The following JPH2 variants were observed in gnomAD, a reference collection of about 807,000 sequenced individuals.
The protein encoded by JPH2 is junctophilin 2.
Under a neutral mutation model 55.9 loss-of-function variants are expected in JPH2, and 38 were observed. The observed-to-expected ratio is 0.68, with a 90% confidence interval of 0.52 to 0.89. The LOEUF (loss-of-function observed/expected upper bound fraction) is 0.89. Among genes scored for constraint, JPH2 ranks in the 40% least tolerant of loss-of-function variants. The pLI, the probability that JPH2 is intolerant of heterozygous loss-of-function variation, is 0.00. For missense variants in JPH2, 964 were observed against 1,037.6 expected (o/e 0.93, Z 0.97); for synonymous variants, 480 against 472.4 (o/e 1.02, Z -0.21).
chr20:44,115,677 C>A lies in JPH2; in HGVS notation c.1998G>T (p.Val666=). Residue 666 remains valine (V), a synonymous_variant, in exon 4 of 6, where the codon GTG becomes GTT. Transcript: ENST00000372980. The part of the protein sequence containing the change: ...KEAALAAEAE[V]EVEEVPNTIL... ...CCGACAGCCTCACCTCTTCCACCTC[C>A]ACCTCCGCCTCTGCCGCCAGTGCGG... 5 of 1,612,780 alleles carry A rather than the reference C, an allele frequency of 3.1e-6. No homozygotes were observed. Among genetic ancestry groups the A allele is most frequent in the Non-Finnish European group, 4.2e-6 (5 of 1,180,010 alleles).
In JPH2 at chr20:44,116,321, G is replaced by C. The variant is rs1440920206; in HGVS notation, c.1354C>G (p.Pro452Ala). The change falls in exon 4 of 6, where the codon CCC becomes GCC. Residue 452 changes from proline to alanine, a missense_variant. Transcript: ENST00000372980. ...ILENSESLLE[P>A]PDRGAGAAGL... The stretch of plus-strand genomic sequence containing the variant: ...GCTGCGCCGGCGCCCCGGTCGGGGG[G>C]CTCCAGCAGGCTCTCCGAGTTCTCC... 3.2e-6 allele frequency: 5 copies of C among 1,544,322 alleles called. No homozygotes were observed. Among genetic ancestry groups the C allele is most frequent in the Non-Finnish European group, 4.4e-6 (5 of 1,146,142 alleles).
intron 1 of JPH2, among the ~76,000 whole-genome samples, chr20:44,173,580 C>T (rs1021353190): frequency 1.6e-4 from 24 of 152,196 alleles, no homozygotes; most frequent in Non-Finnish European, 2.1e-4. Flanking sequence ...TCTTCCTCTA[C>T]GATAATACCA....
chr20:44,115,461 G>A (rs2072181043), intron 4 of JPH2, among the ~76,000 whole-genome samples: 1 of 152,132 alleles, frequency 6.6e-6, no homozygotes, highest in Non-Finnish European at 1.5e-5. Context: ...ACTCCATGCG[G>A]CCATTTACGC....
chr20:44,177,182 G>T (rs958917494), intron 1 of JPH2: 2 of 985,532 alleles, frequency 2.0e-6, no homozygotes, highest in South Asian at 9.4e-5. Flanking sequence ...GCTTCAGCTC[G>T]GGAAGGGATA....
intron 2 of JPH2, among the ~76,000 whole-genome samples, chr20:44,155,613 C>T (rs886268626): frequency 1.3e-5 from 2 of 152,116 alleles, no homozygotes; most frequent in Admixed American, 6.5e-5. Flanking sequence ...GAAATAGTAA[C>T]TGTACATCAG....
chr20:44,175,342 T>C (rs1024593651), intron 1 of JPH2, among the ~76,000 whole-genome samples: 1 of 152,254 alleles, frequency 6.6e-6, no homozygotes, highest in African/African-American at 2.4e-5. Flanking sequence ...CACCTCTGTC[T>C]TTTTAAAGTC....
In JPH2 at chr20:44,107,321, C is replaced by A. The variant is rs4378864; in HGVS notation, c.*6197G>T. 2.6e-5 allele frequency among the ~76,000 whole-genome samples: 4 copies of A among 151,720 alleles called. No individual in the cohort carries two copies. The highest frequency in any genetic ancestry group is 9.7e-5 in the African/African-American group (4 of 41,258). On this transcript the variant is annotated 3_prime_UTR_variant, in exon 6 of 6. Transcript: ENST00000372980. ...AAGTGGGACAATGGGGATGGTACTA[C>A]AGGCTGTACTGTCTTGTCTGTTTAC...
In JPH2 at chr20:44,115,115, T is replaced by C. The variant is rs1569180196; in HGVS notation, c.2011-239A>G. 2.0e-5 allele frequency among the ~76,000 whole-genome samples: 3 copies of C among 152,090 alleles called. No individual in the cohort carries two copies. In the South Asian group the frequency reaches 6.2e-4, roughly 32 times the overall value. ...AGGGACAAGATCATGCCCCAAGTCA[T>C]ATAGTGTGTGAATCAGGCCTGGAAC... On this transcript the variant is annotated intron_variant, in intron 4 of 5. Coordinates refer to ENST00000372980, the MANE Select transcript of JPH2 (RefSeq NM_020433.5).
Position 44,160,415 on chromosome 20 carries a change from C to A in JPH2, c.380-8G>T, listed in dbSNP as rs1600858260. The A allele has an allele frequency of 7.5e-6, 12 of 1,608,160 alleles. No homozygotes were observed. The East Asian group carries it at 2.7e-4, about 36-fold the overall frequency. ...ACTGGCCTTGGTACGTCCCTGCGGG[C>A]GAGGAGAGGGCGCGTCAGTAGGCGG... On this transcript the variant is annotated splice_region_variant and splice_polypyrimidine_tract_variant and intron_variant, in intron 1 of 5. Transcript: ENST00000372980. The surrounding 1 kb of genome is among the most constrained non-coding windows in gnomAD (Gnocchi z 4.9).
chr20:44,132,353 C>CGG (rs2072325678), intron 2 of JPH2, among the ~76,000 whole-genome samples: 1 of 90,746 alleles, frequency 1.1e-5, no homozygotes, highest in Non-Finnish European at 2.4e-5. Context: ...GGCAGACAGA[C>CGG]AGACACACAC....
chr20:44,141,088 G>T (rs1422536963), intron 2 of JPH2, among the ~76,000 whole-genome samples: 1 of 152,184 alleles, frequency 6.6e-6, no homozygotes, highest in Non-Finnish European at 1.5e-5. Flanking sequence ...GAAGACTCGG[G>T]ATATTAAGGT....
chr20:44,186,420 T>C lies in JPH2; in HGVS notation c.286A>G (p.Ile96Val), dbSNP rs1427831124. 1.9e-6 allele frequency: 3 copies of C among 1,613,808 alleles called. No homozygotes were observed. Among genetic ancestry groups the C allele is most frequent in the Admixed American group, 3.3e-5 (2 of 60,004 alleles). The change falls in exon 1 of 6, where the codon ATC becomes GTC. Residue 96 changes from isoleucine to valine, a missense_variant. Transcript: ENST00000372980. ...GCACCGCTGCTTGAGCTCTGCCGGA[T>C]TCCGTAGCGTCCCTTGAAGCCATGT... ...WTHGFKGRYG[I>V]RQSSSSGAKY...
Position 44,160,332 on chromosome 20 carries a change from G to T in JPH2, c.455C>A (p.Ala152Asp). The T allele has an allele frequency of 2.5e-6, 4 of 1,575,798 alleles. No homozygotes were observed. The highest frequency in any genetic ancestry group is 3.4e-6 in the Non-Finnish European group (4 of 1,161,428). Residue 152 changes from alanine to aspartate, a missense_variant, in exon 2 of 6, where the codon GCC (alanine) becomes GAC (aspartate). By Grantham distance (126) the Ala-to-Asp change is moderately radical. Transcript: ENST00000372980. This position sits in a 1 kb window ranked among gnomAD's most constrained non-coding sequence, Gnocchi z 4.9. ...GVRQSVPYGM[A>D]VVVRSPLRTS... The stretch of plus-strand genomic sequence containing the variant: ...GCGCAGCGGCGAGCGCACCACCACG[G>T]CCATCCCGTAGGGCACGCTCTGGCG...
intron 2 of JPH2, among the ~76,000 whole-genome samples, chr20:44,151,030 AAAAAC>A (rs2072526817): frequency 6.6e-6 from 1 of 152,178 alleles, no homozygotes; most frequent in African/African-American, 2.4e-5. Context: ...ACCCTATCTC[AAAAAC>A]AAAACAAAAC....
chr20:44,162,779 TATATATATAC>T (rs1366243988), intron 1 of JPH2, among the ~76,000 whole-genome samples: 29 of 79,756 alleles, frequency 3.6e-4, no homozygotes, highest in African/African-American at 6.4e-4. Flanking sequence ...TATATATATA[TATATATATAC>T]ACACACACAC....
intron 1 of JPH2, among the ~76,000 whole-genome samples, chr20:44,165,144 C>A (rs143878546): frequency 1.3e-5 from 2 of 152,174 alleles, no homozygotes; most frequent in African/African-American, 4.8e-5. Flanking sequence ...GCCAAATGTT[C>A]TGCATTTGAA....
At chr20:44,165,346 G>A (rs533914671) in intron 1 of JPH2, among the ~76,000 whole-genome samples, 1 of 151,794 alleles carries the variant, frequency 6.6e-6, no homozygotes, top group South Asian at 2.1e-4. Flanking sequence ...TATCTATCAG[G>A]AAAGTCATCA....
intron 2 of JPH2, among the ~76,000 whole-genome samples, chr20:44,157,422 T>G (rs1344790038): frequency 1.3e-5 from 2 of 152,200 alleles, no homozygotes; most frequent in African/African-American, 4.8e-5. Flanking sequence ...TTGTTGAGAC[T>G]GTATTGCAAC....
chr20:44,136,408 C>A (rs1485570151), intron 2 of JPH2, among the ~76,000 whole-genome samples: 1 of 151,760 alleles, frequency 6.6e-6, no homozygotes, highest in African/African-American at 2.4e-5. Flanking sequence ...TGCAACCCAG[C>A]AAGAGGATGC....
Sources: gnomAD v4.1 joint callset for allele counts (sites outside exome capture counted in the v4.1 genomes callset) on GRCh38, gnomAD v4.1.1 for gene constraint, Gnocchi (gnomAD v3.1) non-coding constraint, MANE v1.5 for transcripts, NCBI Gene and HGNC (gene_info 2026-07-23, HGNC 2026-07-21) for gene names.